The following IL1RAPL2 variants were observed in gnomAD, a reference collection of about 807,000 sequenced individuals.
IL1RAPL2 encodes the protein X-linked interleukin-1 receptor accessory protein-like 2.
In IL1RAPL2, 3 loss-of-function variants were observed where a neutral mutation model predicts 44.1. The observed-to-expected ratio is 0.07, with a 90% CI of 0.03 to 0.18. The LOEUF (loss-of-function observed/expected upper bound fraction) is 0.18. Among genes scored for constraint, IL1RAPL2 ranks in the 10% least tolerant of loss-of-function variants. The probability of loss-of-function intolerance (pLI) is 1.00; values close to 1 mark genes in which losing one functional copy is unlikely to be tolerated. For missense variants in IL1RAPL2, 391 were observed against 496.4 expected (o/e 0.79, Z 2.02); for synonymous variants, 181 against 178.8 (o/e 1.01, Z -0.10).
chrX:104,683,615 G>T (rs1414105075), intron 2 of IL1RAPL2, among the ~76,000 whole-genome samples: 1 of 112,461 alleles, frequency 8.9e-6, no homozygotes, highest in Non-Finnish European at 1.9e-5. Flanking sequence ...AGTCATTCAG[G>T]TAGGTGAAAT....
At chrX:104,876,098 C>A (rs182267417) in intron 2 of IL1RAPL2, among the ~76,000 whole-genome samples, 21 of 111,106 alleles carry the variant, frequency 1.9e-4, no homozygotes, top group Admixed American at 8.7e-4. Flanking sequence ...GAGAAACTAC[C>A]ACTACTGCCT....
At chrX:105,238,936 CTT>C (rs2034145056) in intron 4 of IL1RAPL2, among the ~76,000 whole-genome samples, 1 of 111,540 alleles carries the variant, frequency 9.0e-6, no homozygotes, top group South Asian at 3.8e-4. Flanking sequence ...ACGTTTAAAA[CTT>C]TTGAGAGAAT....
chrX:104,647,105 A>T (rs1461421926), intron 1 of IL1RAPL2: 1 of 207,457 alleles, frequency 4.8e-6, no homozygotes, highest in Non-Finnish European at 9.1e-6. Flanking sequence ...GAAATTTCAC[A>T]GTGATTTCTG....
intron 2 of IL1RAPL2, among the ~76,000 whole-genome samples, chrX:104,982,380 A>G (rs1487578942): frequency 1.8e-5 from 2 of 111,283 alleles, no homozygotes; most frequent in African/African-American, 6.5e-5. Flanking sequence ...TAAGGCACCC[A>G]TACCCTGTGC....
intron 5 of IL1RAPL2, among the ~76,000 whole-genome samples, chrX:105,467,205 G>C (rs1381793820): frequency 9.0e-6 from 1 of 111,591 alleles, no homozygotes; most frequent in Admixed American, 9.5e-5. Flanking sequence ...ATCAACTACA[G>C]GGTATTGTCT....
intron 1 of IL1RAPL2, among the ~76,000 whole-genome samples, chrX:104,616,082 A>T (rs1569281548): frequency 8.9e-6 from 1 of 111,910 alleles, no homozygotes. Flanking sequence ...TTGCTTTTTT[A>T]AAAAAATTTG....
intron 2 of IL1RAPL2, among the ~76,000 whole-genome samples, chrX:104,908,693 C>A (rs751773804): frequency 9.1e-6 from 1 of 110,294 alleles, no homozygotes; most frequent in Non-Finnish European, 1.9e-5. Context: ...TGATGGGCTT[C>A]CCTTTGAGGG....
At chrX:105,567,357 G>T (rs1569454718) in intron 6 of IL1RAPL2, among the ~76,000 whole-genome samples, 1 of 111,439 alleles carries the variant, frequency 9.0e-6, no homozygotes, top group Non-Finnish European at 1.9e-5. Context: ...AGGCATGAAT[G>T]TTCTCCATAC....
At chrX:105,598,032 A>G (rs1033978568) in intron 6 of IL1RAPL2, among the ~76,000 whole-genome samples, 2 of 111,569 alleles carry the variant, frequency 1.8e-5, no homozygotes, top group Admixed American at 9.6e-5. Flanking sequence ...ATTATTTACA[A>G]TAGCCAAGAT....
At chrX:104,891,873 C>A (rs5962992) in intron 2 of IL1RAPL2, among the ~76,000 whole-genome samples, 69 of 110,309 alleles carry the variant, frequency 6.3e-4, no homozygotes, top group African/African-American at 2.1e-3. Context: ...GTCTTGTGCC[C>A]GTTTTCAAAG....
chrX:105,673,144 C>T (rs930050337), intron 6 of IL1RAPL2, among the ~76,000 whole-genome samples: 5 of 111,628 alleles, frequency 4.5e-5, no homozygotes, highest in African/African-American at 1.6e-4. Context: ...TCTATCTTCC[C>T]AGAAGCATAA....
intron 9 of IL1RAPL2, among the ~76,000 whole-genome samples, chrX:105,751,228 T>A (rs1392646510): frequency 1.8e-5 from 2 of 110,498 alleles, no homozygotes; most frequent in Non-Finnish European, 3.8e-5. Flanking sequence ...TGAGCTATGA[T>A]CGCACCACTG....
At chrX:104,577,446 G>A (rs773330354) in intron 1 of IL1RAPL2, among the ~76,000 whole-genome samples, 1 of 111,884 alleles carries the variant, frequency 8.9e-6, no homozygotes, top group Non-Finnish European at 1.9e-5. Flanking sequence ...ATCCAGAACT[G>A]AGTTTTGCCA....
At chrX:105,041,983 T>C (rs1300554968) in intron 2 of IL1RAPL2, among the ~76,000 whole-genome samples, 2 of 110,509 alleles carry the variant, frequency 1.8e-5, no homozygotes, top group Non-Finnish European at 3.8e-5. Context: ...GGGAAAGGAT[T>C]CCCTATTTAA....
At chrX:104,583,479 T>C (rs770831019) in intron 1 of IL1RAPL2, among the ~76,000 whole-genome samples, 29 of 112,081 alleles carry the variant, frequency 2.6e-4, no homozygotes, top group African/African-American at 9.1e-4. Context: ...AAGCAATTCG[T>C]ATAAATGGAA....
chrX:105,087,102 C>T (rs1425484690), intron 2 of IL1RAPL2, among the ~76,000 whole-genome samples: 1 of 110,880 alleles, frequency 9.0e-6, no homozygotes, highest in Non-Finnish European at 1.9e-5. Context: ...CAGAAAGTAC[C>T]CCCCTGAGTT....
chrX:105,645,945 G>GCT (rs1289270043), intron 6 of IL1RAPL2, among the ~76,000 whole-genome samples: 1 of 111,267 alleles, frequency 9.0e-6, no homozygotes, highest in African/African-American at 3.3e-5. Flanking sequence ...CTCCCCTTGT[G>GCT]CTCTCCCTTG....
intron 5 of IL1RAPL2, among the ~76,000 whole-genome samples, chrX:105,281,484 T>C (rs1211881027): frequency 8.9e-6 from 1 of 112,622 alleles, no homozygotes; most frequent in African/African-American, 3.2e-5. Flanking sequence ...TCATATTAAT[T>C]GCAGTCATGC....
intron 6 of IL1RAPL2, among the ~76,000 whole-genome samples, chrX:105,698,976 AAAAC>A (rs1363708700): frequency 8.9e-6 from 1 of 111,791 alleles, no homozygotes; most frequent in East Asian, 2.8e-4. Context: ...TATGAAGAGA[AAAAC>A]AAAGTATATG....
Sources: allele counts gnomAD v4.1 joint callset (sites outside exome capture counted in the v4.1 genomes callset), GRCh38; gene constraint gnomAD v4.1.1; transcripts MANE v1.5; gene names NCBI Gene and HGNC (gene_info 2026-07-23, HGNC 2026-07-21).